PJA2: variants seen among roughly 807,000 people sequenced by gnomAD.
The protein encoded by PJA2 is E3 ubiquitin-protein ligase Praja-2.
PJA2 carries 25 observed loss-of-function variants against 69.3 expected under a neutral mutation model. That is an observed-to-expected ratio of 0.36 (90% CI 0.26 to 0.50). PJA2 has a LOEUF of 0.50. Among genes scored for constraint, PJA2 ranks in the 20% least tolerant of loss-of-function variants. The pLI, the probability that PJA2 is intolerant of heterozygous loss-of-function variation, is 0.96. For synonymous variants in PJA2, 308 were observed against 277.8 expected (o/e 1.11, Z -1.08); for missense variants, 809 against 830.2 (o/e 0.97, Z 0.31).
intron 7 of PJA2, among the ~76,000 whole-genome samples, chr5:109,347,854 T>C (rs1357627969): frequency 6.6e-6 from 1 of 152,218 alleles, no homozygotes; most frequent in Non-Finnish European, 1.5e-5. Flanking sequence ...TAAACTTCTG[T>C]TGCAGTTAAT....
rs1209531865 is a variant in PJA2, at chr5:109,378,539, T to C, written c.948A>G (p.Pro316=). 1.9e-6 allele frequency: 3 copies of C among 1,614,088 alleles called. No homozygotes were observed. Among genetic ancestry groups the C allele is most frequent in the African/African-American group, 1.3e-5 (1 of 74,936 alleles). Reference sequence around the variant, plus strand: ...TTGAACTTATCAGTTTTCTAACTTTTGGCCTCACTACCTGTTCAGGAGAAC... The same window carrying C: ...TTGAACTTATCAGTTTTCTAACTTTCGGCCTCACTACCTGTTCAGGAGAAC... ...HGSSPEQVVR[P]KVRKLISSSQ... Residue 316 remains proline (P), a synonymous_variant, in exon 4 of 10, where the codon CCA becomes CCG. Transcript: ENST00000361189.
At chr5:109,394,897 C>G (rs949260032) in intron 1 of PJA2, among the ~76,000 whole-genome samples, 1 of 152,070 alleles carries the variant, frequency 6.6e-6, no homozygotes, top group Non-Finnish European at 1.5e-5. Context: ...ATAAAAATGT[C>G]TTAACTCTGG....
At chr5:109,344,946 C>A (rs441798) in intron 7 of PJA2, 127 bp from the exon 8 acceptor site, 285,375 of 568,608 alleles carry the variant, frequency 0.5, 80,632 homozygotes, top group Non-Finnish European at 0.59. Context: ...TGCTTTAGTC[C>A]TTTGCTCCTT....
Position 109,368,730 on chromosome 5 carries a change from C to A in PJA2, c.1300G>T (p.Gly434Trp). The change falls in exon 5 of 10, where the codon GGG becomes TGG. Residue 434 changes from glycine (G) to tryptophan (W), a missense_variant. Gly to Trp is a radical substitution (Grantham distance 184). Around this residue, in one of 4 missense-constraint regions of PJA2, gnomAD observed 700 missense variants for 639.5 expected, o/e 1.09. Transcript: ENST00000361189. The stretch of plus-strand genomic sequence containing the variant: ...TGAGGCAAAGAAGCAGACCATTCCC[C>A]ATCACTGCATTCAGAACTGCAAATC... ...KDEDSSECSD[G>W]EWSASLPHRF... 1 of 1,612,838 alleles carries A rather than the reference C, an allele frequency of 6.2e-7. No homozygotes were observed. The highest frequency in any genetic ancestry group is 1.1e-5 in the South Asian group (1 of 90,834).
At chr5:109,343,513 T>C (rs1000277780) in intron 9 of PJA2, among the ~76,000 whole-genome samples, 1 of 152,118 alleles carries the variant, frequency 6.6e-6, no homozygotes, top group Non-Finnish European at 1.5e-5. Flanking sequence ...TTATAGTACT[T>C]TGAGTAGTGC....
chr5:109,384,496 G>C (rs959313063), intron 1 of PJA2, among the ~76,000 whole-genome samples: 1 of 151,982 alleles, frequency 6.6e-6, no homozygotes, highest in South Asian at 2.1e-4. Flanking sequence ...TGGTTTTTTT[G>C]AAAGTTTGGT....
At chr5:109,344,391 G>GAAGATAC in intron 8 of PJA2, 80 bp from the exon 9 acceptor site, 1 of 1,416,764 alleles carries the variant, frequency 7.1e-7, no homozygotes, top group East Asian at 2.4e-5. Flanking sequence ...TATACTCATA[G>GAAGATAC]AAGATACCTC....
At chr5:109,404,394 G>A (rs1240417923) in intron 1 of PJA2, among the ~76,000 whole-genome samples, 1 of 151,284 alleles carries the variant, frequency 6.6e-6, no homozygotes, top group African/African-American at 2.4e-5. Context: ...GGTGACATAC[G>A]CCTGTAATCC....
intron 1 of PJA2, among the ~76,000 whole-genome samples, chr5:109,393,666 T>C (rs1254870054): frequency 6.6e-6 from 1 of 151,166 alleles, no homozygotes; most frequent in African/African-American, 2.4e-5. Flanking sequence ...AAAATGTTCA[T>C]AGAAGCAATG....
chr5:109,359,907 T>C (rs1280235743), intron 6 of PJA2, among the ~76,000 whole-genome samples: 2 of 152,218 alleles, frequency 1.3e-5, no homozygotes, highest in African/African-American at 4.8e-5. Context: ...CATTCTAGAA[T>C]AATTACAAGT....
chr5:109,376,843 C>A (rs1746900383), intron 4 of PJA2, among the ~76,000 whole-genome samples: 1 of 151,998 alleles, frequency 6.6e-6, no homozygotes, highest in East Asian at 1.9e-4. Flanking sequence ...ATGGTCCAGG[C>A]CACACACAGT....
In PJA2 at chr5:109,409,924, TC is replaced by T; in HGVS notation, c.-171del. ...CGCCTTCTTCTCCGCCTCCAACTCCTCCCCCGCCGAACGCGAAGCGGCTGGC... is the reference window on the plus strand; with the variant it reads ...CGCCTTCTTCTCCGCCTCCAACTCCTCCCCGCCGAACGCGAAGCGGCTGGC... On this transcript the variant is annotated 5_prime_UTR_variant, in exon 1 of 10. Coordinates refer to ENST00000361189, the MANE Select transcript of PJA2 (RefSeq NM_014819.5). 2 of 193,708 alleles carry T rather than the reference TC, an allele frequency of 1.0e-5. No individual in the cohort carries two copies. The highest frequency in any genetic ancestry group is 1.0e-5 in the Non-Finnish European group (1 of 97,756). The allele number at this position is 193,708 out of a possible 1,614,324, so 12.0% of individuals were successfully genotyped here. A position where few individuals can be genotyped will look rare whatever the true frequency, so the allele number is the denominator to read the frequency against.
chr5:109,388,010 T>C (rs1747198166), intron 1 of PJA2, among the ~76,000 whole-genome samples: 2 of 152,214 alleles, frequency 1.3e-5, no homozygotes, highest in Admixed American at 1.3e-4. Context: ...TCAAACTTCA[T>C]TTAGGCAAGT....
intron 5 of PJA2, among the ~76,000 whole-genome samples, 186 bp from the exon 6 acceptor site, chr5:109,363,208 G>A (rs558461248): frequency 6.6e-6 from 1 of 152,214 alleles, no homozygotes; most frequent in African/African-American, 2.4e-5. Flanking sequence ...CAGTTATAGG[G>A]TCATATGTAT....
At chr5:109,353,042 CCTATATCAT>C (rs1762289059) in intron 7 of PJA2, among the ~76,000 whole-genome samples, 1 of 120,416 alleles carries the variant, frequency 8.3e-6, no homozygotes, top group Admixed American at 8.5e-5. Flanking sequence ...ATATTAGATA[CCTATATCAT>C]AGACATCTAT....
intron 1 of PJA2, among the ~76,000 whole-genome samples, chr5:109,396,515 C>T (rs1236615066): frequency 6.8e-6 from 1 of 147,300 alleles, no homozygotes. Flanking sequence ...CAACCTCTGC[C>T]TTCCAGGTTC....
chr5:109,378,133 T>A, intron 4 of PJA2, 71 bp downstream of exon 4: 1 of 1,106,906 alleles, frequency 9.0e-7, no homozygotes, highest in East Asian at 2.4e-5. Flanking sequence ...AGCCCAGCCA[T>A]CAAACATGGT....
chr5:109,346,904 TAGA>T (rs1452570690), intron 7 of PJA2, among the ~76,000 whole-genome samples: 3 of 152,230 alleles, frequency 2.0e-5, no homozygotes, highest in Non-Finnish European at 4.4e-5. Context: ...GTTTCCCATA[TAGA>T]AGAAGAATTC....
chr5:109,340,580 T>C (rs1318530359), intron 9 of PJA2, among the ~76,000 whole-genome samples: 2 of 143,520 alleles, frequency 1.4e-5, no homozygotes, highest in East Asian at 4.3e-4. Context: ...ACACTTCCTT[T>C]ATTTAAATAA....
Sources: allele counts gnomAD v4.1 joint callset (sites outside exome capture counted in the v4.1 genomes callset), GRCh38; gene constraint gnomAD v4.1.1; regional missense constraint gnomAD v4.1.1; transcripts MANE v1.5; gene names NCBI Gene and HGNC (gene_info 2026-07-23, HGNC 2026-07-21).